Variants in FBXW7 observed in about 807,000 individuals in gnomAD.
The protein encoded by FBXW7 is F-box/WD repeat-containing protein 7.
A neutral mutation model predicts 86.3 loss-of-function variants in FBXW7; 11 were observed. The ratio of observed to expected loss-of-function variants is 0.13; its 90% confidence interval spans 0.08 to 0.21. The LOEUF (loss-of-function observed/expected upper bound fraction) is 0.21. Among genes scored for constraint, FBXW7 ranks in the 10% least tolerant of loss-of-function variants. The probability of loss-of-function intolerance (pLI) is 1.00; values close to 1 mark genes in which losing one functional copy is unlikely to be tolerated. For missense variants in FBXW7, 488 were observed against 847.4 expected, an observed-to-expected ratio of 0.58 and a Z score of 5.27; for synonymous variants, 313 against 297.9, an observed-to-expected ratio of 1.05 and a Z score of -0.52.
chr4:152,466,674 G>C (rs1743470612), intron 2 of FBXW7, among the ~76,000 whole-genome samples: 1 of 152,180 alleles, frequency 6.6e-6, no homozygotes, highest in African/African-American at 2.4e-5. Flanking sequence ...TGGGCGTGGT[G>C]GCTCACACCT....
chr4:152,490,540 A>AT (rs1745744598), intron 2 of FBXW7, among the ~76,000 whole-genome samples: 1 of 152,128 alleles, frequency 6.6e-6, no homozygotes, highest in African/African-American at 2.4e-5. Flanking sequence ...CAAAAAGCAG[A>AT]TAACTCAAAA....
chr4:152,504,014 T>A (rs1747189450), intron 2 of FBXW7, among the ~76,000 whole-genome samples: 1 of 152,160 alleles, frequency 6.6e-6, no homozygotes, highest in South Asian at 2.1e-4. Flanking sequence ...TGGAATAACT[T>A]CACAAAGATC....
intron 2 of FBXW7, among the ~76,000 whole-genome samples, chr4:152,463,968 G>C (rs1451172747): frequency 6.6e-6 from 1 of 152,034 alleles, no homozygotes; most frequent in Non-Finnish European, 1.5e-5. Flanking sequence ...TGAATGTTAA[G>C]CAGCAAAAAA....
intron 4 of FBXW7, among the ~76,000 whole-genome samples, chr4:152,388,998 A>G (rs1193553699): frequency 6.6e-6 from 1 of 152,184 alleles, no homozygotes; most frequent in African/African-American, 2.4e-5. Flanking sequence ...TCTCAAAAGA[A>G]GACATACATA....
intron 2 of FBXW7, among the ~76,000 whole-genome samples, chr4:152,447,970 G>A (rs1033593184): frequency 3.3e-5 from 5 of 152,210 alleles, no homozygotes; most frequent in Non-Finnish European, 7.3e-5. Flanking sequence ...GGAATATGGA[G>A]CAGAAAGACT....
At chr4:152,530,779 A>C (rs961357898) in intron 2 of FBXW7, 1 of 152,218 alleles carries the variant, frequency 6.6e-6, no homozygotes, top group Non-Finnish European at 1.5e-5. Context: ...GAGTCCAAAA[A>C]CTTCGGCCTA....
At chr4:152,486,699 CT>C (rs997354740) in intron 2 of FBXW7, among the ~76,000 whole-genome samples, 29 of 148,638 alleles carry the variant, frequency 2.0e-4, no homozygotes, top group South Asian at 6.3e-4. Flanking sequence ...TTGCAGTTAA[CT>C]TTTTTTTTTA....
intron 2 of FBXW7, among the ~76,000 whole-genome samples, chr4:152,476,639 GCTAA>G (rs1435946625): frequency 1.3e-5 from 2 of 152,110 alleles, no homozygotes; most frequent in East Asian, 1.9e-4. Flanking sequence ...TTAAAAGCCA[GCTAA>G]CTATTTGAAC....
chr4:152,507,419 G>T (rs1461704869), intron 2 of FBXW7, among the ~76,000 whole-genome samples: 1 of 152,130 alleles, frequency 6.6e-6, no homozygotes, highest in African/African-American at 2.4e-5. Context: ...GTGTTCCCAT[G>T]AAATAACATA....
chr4:152,434,206 A>T (rs1237732004), intron 2 of FBXW7, among the ~76,000 whole-genome samples: 1 of 152,202 alleles, frequency 6.6e-6, no homozygotes, highest in Non-Finnish European at 1.5e-5. Context: ...TGTCGTACGG[A>T]CAGCTGAGTT....
At chr4:152,376,786 A>C (rs1734565037) in intron 4 of FBXW7, among the ~76,000 whole-genome samples, 1 of 152,034 alleles carries the variant, frequency 6.6e-6, no homozygotes, top group Admixed American at 6.6e-5. Context: ...CCTGTTAGGC[A>C]CCCTGTTCTC....
At chr4:152,471,411 AGGAAGGAAAAAGGGAAGGAAGGAG>A (rs1743948591) in intron 2 of FBXW7, among the ~76,000 whole-genome samples, 1 of 135,358 alleles carries the variant, frequency 7.4e-6, no homozygotes, top group African/African-American at 2.8e-5. Context: ...GAGGGAAGGA[AGGAAGGAAAAAGGGAAGGAAGGAG>A]GGAAGGAAAG....
intron 4 of FBXW7, among the ~76,000 whole-genome samples, chr4:152,373,581 C>T (rs1465795897): frequency 6.6e-6 from 1 of 151,886 alleles, no homozygotes; most frequent in Non-Finnish European, 1.5e-5. Context: ...TAAGACAAGA[C>T]ACGATCCCAA....
intron 2 of FBXW7, among the ~76,000 whole-genome samples, chr4:152,534,256 T>TAA (rs1301796554): frequency 7.5e-6 from 1 of 133,992 alleles, no homozygotes. Context: ...TTTGTTACTC[T>TAA]AAAAAAAAAA....
intron 2 of FBXW7, among the ~76,000 whole-genome samples, chr4:152,481,068 G>A (rs1217653206): frequency 6.6e-6 from 1 of 152,148 alleles, no homozygotes; most frequent in Admixed American, 6.6e-5. Context: ...AGCTAGAAAC[G>A]ATAAGTCAAT....
chr4:152,516,642 C>G (rs1748523102), intron 2 of FBXW7, among the ~76,000 whole-genome samples: 1 of 152,224 alleles, frequency 6.6e-6, no homozygotes. Context: ...ATTTCTAAAA[C>G]TTCACATTAT....
At position 152,328,323 on chromosome 4, in the gene FBXW7, T is replaced by C. The variant is rs1190126709; in HGVS notation, c.1303A>G (p.Ile435Val). 6.3e-7 allele frequency: 1 copy of C among 1,594,502 alleles called. No individual in the cohort carries two copies. The highest frequency in any genetic ancestry group is 1.4e-5 in the African/African-American group (1 of 73,436). The change falls in exon 11 of 14, where the codon ATT becomes GTT. Residue 435 changes from isoleucine to valine, a missense_variant. Physicochemically the swap from Ile to Val is conservative, Grantham distance 29 (BLOSUM62 3). Around this residue, in one of 4 missense-constraint regions of FBXW7, gnomAD observed 142 missense variants for 406.6 expected, o/e 0.35. Transcript: ENST00000281708. ...AGTGTCCGATCTGTAGATCCACTAA[T>C]GATGATGTTGTCTCTCATTTGTGAT... ...WSSQMRDNII[I>V]SGSTDRTLKV... is the part of the protein sequence containing the mutation.
intron 2 of FBXW7, among the ~76,000 whole-genome samples, chr4:152,418,601 T>G (rs755598815): frequency 6.6e-6 from 1 of 152,094 alleles, no homozygotes; most frequent in Non-Finnish European, 1.5e-5. Flanking sequence ...AAAATTTGAC[T>G]TGAGAAAAAA....
At chr4:152,412,292 G>A (rs986942456) in intron 3 of FBXW7, among the ~76,000 whole-genome samples, 188 bp downstream of exon 3, 11 of 151,982 alleles carry the variant, frequency 7.2e-5, no homozygotes, top group African/African-American at 2.7e-4. Flanking sequence ...GAAATGCTGA[G>A]GTAAATCAGA....
Sources: allele counts gnomAD v4.1 joint callset (sites outside exome capture counted in the v4.1 genomes callset), GRCh38; gene constraint gnomAD v4.1.1; regional missense constraint gnomAD v4.1.1; transcripts MANE v1.5; gene names NCBI Gene and HGNC (gene_info 2026-07-23, HGNC 2026-07-21).